The following HEG1 variants were observed in gnomAD, a reference collection of about 807,000 sequenced individuals.
HEG1 encodes protein HEG homolog 1.
In HEG1, 56 loss-of-function variants were observed where a neutral mutation model predicts 125.6. The ratio of observed to expected loss-of-function variants is 0.45; its 90% confidence interval spans 0.36 to 0.56. HEG1 has a LOEUF of 0.56. HEG1 is among the 20% of genes least tolerant of loss of function. The pLI, the probability that HEG1 is intolerant of heterozygous loss-of-function variation, is 0.00. For synonymous variants in HEG1, 644 were observed against 668.5 expected (o/e 0.96, Z 0.57); for missense variants, 1,523 against 1,670.0 (o/e 0.91, Z 1.53).
intron 8 of HEG1, among the ~76,000 whole-genome samples, chr3:125,007,537 A>G (rs1367068254): frequency 6.6e-6 from 1 of 152,186 alleles, no homozygotes; most frequent in African/African-American, 2.4e-5. Flanking sequence ...CAATGCTTTC[A>G]ATTCTGGTCC....
intron 11 of HEG1, among the ~76,000 whole-genome samples, chr3:124,998,390 T>A (rs749503899): frequency 1.3e-5 from 2 of 152,140 alleles, no homozygotes; most frequent in Non-Finnish European, 2.9e-5. Context: ...AAGAGACTGG[T>A]GATGAGGAGA....
At chr3:125,011,265 C>T (rs543978796) in intron 6 of HEG1, among the ~76,000 whole-genome samples, 35 of 151,988 alleles carry the variant, frequency 2.3e-4, no homozygotes, top group African/African-American at 8.0e-4. Flanking sequence ...AAATAGTAAC[C>T]CTGAAAACAA....
chr3:125,002,055 A>G (rs774685672), intron 10 of HEG1, 43 bp from the exon 11 acceptor site: 3 of 1,608,838 alleles, frequency 1.9e-6, no homozygotes, highest in Non-Finnish European at 2.6e-6. Flanking sequence ...CTGAAATGAC[A>G]CGTGGGTCCC....
At chr3:125,019,843 G>C (rs532083102) in intron 4 of HEG1, among the ~76,000 whole-genome samples, 1 of 152,330 alleles carries the variant, frequency 6.6e-6, no homozygotes, top group African/African-American at 2.4e-5. Context: ...TGTGCAAGTA[G>C]CAAAGTAACC....
At chr3:125,040,303 A>C (rs1341294949) in intron 1 of HEG1, among the ~76,000 whole-genome samples, 1 of 152,192 alleles carries the variant, frequency 6.6e-6, no homozygotes. Flanking sequence ...ATGTAGAGAC[A>C]GGAGAAGAGC....
At chr3:125,002,393 G>T in intron 9 of HEG1, 78 bp from the exon 10 acceptor site, 3 of 1,258,670 alleles carry the variant, frequency 2.4e-6, no homozygotes, top group Non-Finnish European at 3.4e-6. Context: ...CCTATTTTCA[G>T]GATAAAACAG....
chr3:125,029,244 C>T lies in HEG1; in HGVS notation c.561G>A (p.Gly187=). The T allele has an allele frequency of 2.5e-6, 4 of 1,613,406 alleles. No individual in the cohort carries two copies. The highest frequency in any genetic ancestry group is 3.4e-6 in the Non-Finnish European group (4 of 1,179,708). The change falls in exon 2 of 17, where the codon GGG becomes GGA. Residue 187 remains glycine, a synonymous_variant. Transcript: ENST00000311127. ...GAGCTGTTGCTATCTCCAGTGAGTA[C>T]CCAACAGGCAAAATGGTGAAGTTTG... The part of the protein sequence containing the change: ...SRTNFTILPV[G]YSLEIATALT...
At chr3:125,025,944 G>A (rs544467692) in intron 3 of HEG1, among the ~76,000 whole-genome samples, 6 of 152,310 alleles carry the variant, frequency 3.9e-5, no homozygotes, top group African/African-American at 1.4e-4. Flanking sequence ...CACTCCAGAA[G>A]GGACTCCTGG....
chr3:125,049,155 G>A (rs1937747847), intron 1 of HEG1, among the ~76,000 whole-genome samples: 1 of 152,144 alleles, frequency 6.6e-6, no homozygotes, highest in Non-Finnish European at 1.5e-5. Context: ...GGAGGCCAGA[G>A]GCCTTTCCCC....
chr3:125,003,505 C>T (rs1467249485), intron 9 of HEG1, among the ~76,000 whole-genome samples: 2 of 152,218 alleles, frequency 1.3e-5, no homozygotes, highest in African/African-American at 4.8e-5. Context: ...CAGGCCTTTG[C>T]TCTTGGATCC....
chr3:125,055,547 A>G lies in HEG1; in HGVS notation c.316+28T>C. 3 of 1,188,566 alleles carry G rather than the reference A, an allele frequency of 2.5e-6. 1 individual carries two copies. The South Asian group carries it at 1.3e-4, about 50-fold the overall frequency. The allele number at this position is 1,188,566 out of a possible 1,614,324, so 73.6% of individuals were successfully genotyped here. On this transcript the variant is annotated intron_variant, in intron 1 of 16. Coordinates refer to ENST00000311127, the MANE Select transcript of HEG1 (RefSeq NM_020733.2). ...CCCACGCCCCCAGCACAGACTGGCC[A>G]GGCGCCAGGTTCCCGGCTCTCACTC...
At chr3:125,014,976 C>T (rs939194360) in intron 5 of HEG1, 17 of 1,271,234 alleles carry the variant, frequency 1.3e-5, no homozygotes, top group Non-Finnish European at 1.7e-5. Flanking sequence ...GGAACTGTCA[C>T]CTAGTGCTTG....
In HEG1 at chr3:125,013,901, T is replaced by G. The variant is rs775367160; in HGVS notation, c.1678A>C (p.Thr560Pro). Residue 560 changes from threonine to proline, a missense_variant, in exon 6 of 17, where the codon ACT becomes CCT. Physicochemically the swap from Thr to Pro is conservative, Grantham distance 38. Coordinates refer to ENST00000311127, the MANE Select transcript of HEG1 (RefSeq NM_020733.2). ...AACGCCCGTTCTCCTTTGGTGAAAGTAGATGACAGGTAGGTGTGGTCTGTG... is the reference window on the plus strand; with the variant it reads ...AACGCCCGTTCTCCTTTGGTGAAAGGAGATGACAGGTAGGTGTGGTCTGTG... ...DHTDHTYLSSTFTKGERALLS... is the reference protein window; with the variant it reads ...DHTDHTYLSSPFTKGERALLS... 6.2e-7 allele frequency: 1 copy of G among 1,613,876 alleles called. No homozygotes were observed. Among genetic ancestry groups the G allele is most frequent in the South Asian group, 1.1e-5 (1 of 91,044 alleles).
chr3:125,007,429 A>G (rs1024377862), intron 8 of HEG1, among the ~76,000 whole-genome samples: 15 of 152,124 alleles, frequency 9.9e-5, no homozygotes, highest in Non-Finnish European at 2.1e-4. Context: ...TAGAAGTTTT[A>G]CTTCCAATTT....
intron 1 of HEG1, among the ~76,000 whole-genome samples, chr3:125,044,669 T>A (rs1479079532): frequency 6.6e-6 from 1 of 152,074 alleles, no homozygotes; most frequent in East Asian, 1.9e-4. Flanking sequence ...TCCGTCTGAC[T>A]GCAATGAAAA....
intron 1 of HEG1, among the ~76,000 whole-genome samples, chr3:125,041,854 A>G (rs1937596193): frequency 1.3e-5 from 2 of 152,244 alleles, no homozygotes; most frequent in Admixed American, 6.5e-5. Context: ...CCACAAAAGG[A>G]CAAATATTAC....
At chr3:124,998,843 G>C (rs1417549414) in intron 11 of HEG1, among the ~76,000 whole-genome samples, 1 of 152,146 alleles carries the variant, frequency 6.6e-6, no homozygotes, top group Non-Finnish European at 1.5e-5. Flanking sequence ...GCAGGGCAAG[G>C]CAAGCTAGAT....
intron 1 of HEG1, among the ~76,000 whole-genome samples, chr3:125,037,483 A>G (rs952523585): frequency 6.6e-6 from 1 of 152,228 alleles, no homozygotes; most frequent in African/African-American, 2.4e-5. Flanking sequence ...TTTTGATGGC[A>G]TAGCTGAAAG....
At chr3:125,052,757 G>T (rs1305389623) in intron 1 of HEG1, among the ~76,000 whole-genome samples, 4 of 152,234 alleles carry the variant, frequency 2.6e-5, no homozygotes, top group African/African-American at 9.6e-5. Context: ...CCAGCAGGGT[G>T]ACGGGTGGGT....
Sources: allele counts gnomAD v4.1 joint callset (sites outside exome capture counted in the v4.1 genomes callset), GRCh38; gene constraint gnomAD v4.1.1; transcripts MANE v1.5; gene names NCBI Gene and HGNC (gene_info 2026-07-23, HGNC 2026-07-21).